HNRNPUL1: variants seen among roughly 807,000 people sequenced by gnomAD.
HNRNPUL1 encodes heterogeneous nuclear ribonucleoprotein U-like protein 1.
HNRNPUL1 carries 14 observed loss-of-function variants against 108.5 expected under a neutral mutation model. The ratio of observed to expected loss-of-function variants is 0.13; its 90% confidence interval spans 0.09 to 0.20. The LOEUF (loss-of-function observed/expected upper bound fraction) is 0.20. HNRNPUL1 is among the 10% of genes least tolerant of loss of function. HNRNPUL1 has a pLI of 1.00. For missense variants in HNRNPUL1, 804 were observed against 1,168.3 expected, an observed-to-expected ratio of 0.69 and a Z score of 4.55; for synonymous variants, 422 against 445.2, an observed-to-expected ratio of 0.95 and a Z score of 0.66.
rs3752705 is a variant in HNRNPUL1, at chr19:41,292,206, A to G, written c.1000-39A>G. 0.17 allele frequency: 269,341 copies of G among 1,604,094 alleles called. 24,248 individuals are homozygous for G. The highest frequency in any genetic ancestry group is 0.3 in the East Asian group (13,454 of 44,666). On this transcript the variant is annotated intron_variant, in intron 7 of 14. Coordinates refer to ENST00000392006, the MANE Select transcript of HNRNPUL1 (RefSeq NM_007040.6). This position sits in a 1 kb window ranked among gnomAD's most constrained non-coding sequence, Gnocchi z 4.1. ...ACATTTGACTCCCAGTGCCTATGGCAAGAGTTGGCAATCATATTCCTTTGG... is the reference window on the plus strand; with the variant it reads ...ACATTTGACTCCCAGTGCCTATGGCGAGAGTTGGCAATCATATTCCTTTGG...
At chr19:41,298,059 A>G (rs1016157215) in intron 10 of HNRNPUL1, among the ~76,000 whole-genome samples, 1 of 152,080 alleles carries the variant, frequency 6.6e-6, no homozygotes, top group Admixed American at 6.5e-5. Flanking sequence ...ATCAGCCTTC[A>G]CTTTGCTCCT....
At chr19:41,281,038 G>T in intron 6 of HNRNPUL1, 125 bp from the exon 7 acceptor site, 1 of 640,968 alleles carries the variant, frequency 1.6e-6, no homozygotes, top group Non-Finnish European at 2.8e-6. Context: ...TTTTAAAAAG[G>T]CATCTGATTA....
At chr19:41,287,314 G>A (rs1055856837) in intron 7 of HNRNPUL1, among the ~76,000 whole-genome samples, 1 of 152,028 alleles carries the variant, frequency 6.6e-6, no homozygotes, top group Non-Finnish European at 1.5e-5. Context: ...ACAACTGGCT[G>A]ATTCTTAAGA....
intron 7 of HNRNPUL1, among the ~76,000 whole-genome samples, 175 bp downstream of exon 7, chr19:41,281,450 C>T (rs770419474): frequency 6.6e-6 from 1 of 151,986 alleles, no homozygotes; most frequent in Non-Finnish European, 1.5e-5. Context: ...TTCTGTCATT[C>T]CATCTCCTCT....
At chr19:41,289,713 CTTTTTTT>C (rs71177710) in intron 7 of HNRNPUL1, among the ~76,000 whole-genome samples, 1 of 119,932 alleles carries the variant, frequency 8.3e-6, no homozygotes, top group Admixed American at 9.0e-5. Flanking sequence ...TCTCCATGGT[CTTTTTTT>C]TTTTTTTTTT....
intron 3 of HNRNPUL1, 28 bp from the exon 4 acceptor site, chr19:41,273,954 T>A (rs2035397383): frequency 1.9e-6 from 3 of 1,570,836 alleles, no homozygotes; most frequent in Non-Finnish European, 2.6e-6. Flanking sequence ...ATTGTTCTTG[T>A]ATGACTTAAC....
In HNRNPUL1 at chr19:41,292,970, G is replaced by A. The variant is rs1232776442; in HGVS notation, c.1266+459G>A. Among the ~76,000 whole-genome samples, 1 of 151,800 alleles carries A rather than the reference G, an allele frequency of 6.6e-6. No homozygotes were observed. The highest frequency in any genetic ancestry group is 6.6e-5 in the Admixed American group (1 of 15,208). ...AGTGATCCTCCCACCTCAGCTTCTC[G>A]AGTAGCTGGGACCACAGGTACATGC... On this transcript the variant is annotated intron_variant, in intron 8 of 14. Coordinates refer to ENST00000392006, the MANE Select transcript of HNRNPUL1 (RefSeq NM_007040.6). This position sits in a 1 kb window ranked among gnomAD's most constrained non-coding sequence, Gnocchi z 4.1.
chr19:41,274,068 A>C lies in HNRNPUL1; in HGVS notation c.646+13A>C, dbSNP rs1568432892. 1 of 1,607,620 alleles carries C rather than the reference A, an allele frequency of 6.2e-7. No homozygotes were observed. Among genetic ancestry groups the C allele is most frequent in the East Asian group, 2.2e-5 (1 of 44,858 alleles). ...GCTATTGACACCTGTAAGTCTTTGGAGTGTGCATCTAATTCTGCCTTACAG... is the reference window on the plus strand; with the variant it reads ...GCTATTGACACCTGTAAGTCTTTGGCGTGTGCATCTAATTCTGCCTTACAG... On this transcript the variant is annotated intron_variant, in intron 4 of 14. Transcript: ENST00000392006.
chr19:41,305,862 C>G lies in HNRNPUL1; in HGVS notation c.2449C>G (p.Gln817Glu). 1 of 1,576,066 alleles carries G rather than the reference C, an allele frequency of 6.3e-7. No homozygotes were observed. Among genetic ancestry groups the G allele is most frequent in the Non-Finnish European group, 8.7e-7 (1 of 1,154,834 alleles). The change falls in exon 14 of 15, where the codon CAG (glutamine) becomes GAG (glutamate). Residue 817 changes from glutamine (Q) to glutamate (E), a missense_variant. By Grantham distance (29) the Gln-to-Glu change is conservative. Transcript: ENST00000392006. ...CCCTCAGCCCAGCTATAACCAGTAT[C>G]AGCAGGTAGGTGCCAGACTGGGGGC... ...TYPQPSYNQY[Q>E]QYAQQWNQYY...
chr19:41,293,041 AGT>A (rs1251095363), intron 8 of HNRNPUL1, among the ~76,000 whole-genome samples: 1 of 151,990 alleles, frequency 6.6e-6, no homozygotes, highest in Non-Finnish European at 1.5e-5. Flanking sequence ...TGGCCCACCG[AGT>A]GTTCTTGAAG....
upstream of HNRNPUL1, chr19:41,263,029 A>G (rs1178520088): frequency 2.2e-5 from 3 of 138,236 alleles, no homozygotes; most frequent in African/African-American, 8.2e-5. Flanking sequence ...AACAAGAGCG[A>G]GACTCCGTCT....
chr19:41,273,715 A>G (rs1455247861), intron 3 of HNRNPUL1, among the ~76,000 whole-genome samples: 1 of 152,178 alleles, frequency 6.6e-6, no homozygotes, highest in Non-Finnish European at 1.5e-5. Flanking sequence ...GTAAAAAAAG[A>G]GTGAAAAAAT....
At chr19:41,265,516 C>T (rs1599756182) in intron 1 of HNRNPUL1, among the ~76,000 whole-genome samples, 1 of 152,164 alleles carries the variant, frequency 6.6e-6, no homozygotes, top group Non-Finnish European at 1.5e-5. Context: ...GAAGCAGGCA[C>T]AGCCTGGACA....
intron 1 of HNRNPUL1, among the ~76,000 whole-genome samples, chr19:41,266,094 G>A (rs1331544194): frequency 6.6e-6 from 1 of 152,094 alleles, no homozygotes; most frequent in Non-Finnish European, 1.5e-5. Flanking sequence ...GTTGTCTGAG[G>A]AGAGGAAAAC....
At position 41,292,987 on chromosome 19, in the gene HNRNPUL1, G is replaced by A. The variant is rs955877170; in HGVS notation, c.1266+476G>A. Among the ~76,000 whole-genome samples, 1 of 152,062 alleles carries A rather than the reference G, an allele frequency of 6.6e-6. No homozygotes were observed. Among genetic ancestry groups the A allele is most frequent in the African/African-American group, 2.4e-5 (1 of 41,400 alleles). ...AGCTTCTCGAGTAGCTGGGACCACA[G>A]GTACATGCCACCATGCCAGGCTAAC... On this transcript the variant is annotated intron_variant, in intron 8 of 14. Transcript: ENST00000392006. The surrounding 1 kb of genome is among the most constrained non-coding windows in gnomAD (Gnocchi z 4.1).
intron 1 of HNRNPUL1, chr19:41,265,065 A>G (rs1345749775): frequency 2.1e-6 from 3 of 1,406,262 alleles, no homozygotes; most frequent in Non-Finnish European, 2.8e-6. Flanking sequence ...TCCGTACCGT[A>G]GGGATCGGAG....
intron 13 of HNRNPUL1, among the ~76,000 whole-genome samples, chr19:41,304,593 A>G (rs897655844): frequency 3.3e-5 from 5 of 152,176 alleles, no homozygotes; most frequent in African/African-American, 1.2e-4. Context: ...CTAAATCCCC[A>G]AGAAAGCACT....
chr19:41,271,963 C>A, intron 2 of HNRNPUL1, 119 bp from the exon 3 acceptor site: 3 of 1,152,580 alleles, frequency 2.6e-6, no homozygotes, highest in Non-Finnish European at 3.7e-6. Flanking sequence ...TGCCTGTGCC[C>A]AGCCCTTCAT....
At chr19:41,293,304 T>C (rs1365491459) in intron 8 of HNRNPUL1, among the ~76,000 whole-genome samples, 1 of 152,250 alleles carries the variant, frequency 6.6e-6, no homozygotes, top group Non-Finnish European at 1.5e-5. Context: ...TCTAAGTGCC[T>C]GTTTTATGCT....
Sources: gnomAD v4.1 joint callset for allele counts (sites outside exome capture counted in the v4.1 genomes callset) on GRCh38, gnomAD v4.1.1 for gene constraint, Gnocchi (gnomAD v3.1) non-coding constraint, MANE v1.5 for transcripts, NCBI Gene and HGNC (gene_info 2026-07-23, HGNC 2026-07-21) for gene names.